Variants in FAM13B observed in about 807,000 individuals in gnomAD.
FAM13B encodes the protein family with sequence similarity 13 member B.
FAM13B carries 60 observed loss-of-function variants against 117.3 expected under a neutral mutation model. That is an observed-to-expected ratio of 0.51 (90% CI 0.42 to 0.63). The LOEUF is 0.63. Ranked by LOEUF, FAM13B falls within the 30% of genes least tolerant of loss-of-function variation. FAM13B has a pLI of 0.00. For missense variants in FAM13B, 972 were observed against 1,091.9 expected (o/e 0.89, Z 1.55); for synonymous variants, 332 against 356.1 (o/e 0.93, Z 0.76).
Position 137,938,474 on chromosome 5 carries a change from C to T in FAM13B, c.*1751G>A, listed in dbSNP as rs1760765406. ...TGAAGGAAATTATCTGAAATGTACA[C>T]TGCATGATGGATTCAAATAAAAATG... On this transcript the variant is annotated 3_prime_UTR_variant, in exon 24 of 24. Coordinates refer to ENST00000689681, the MANE Select transcript of FAM13B (RefSeq NM_001385994.1). 6.6e-6 allele frequency: 1 copy of T among 152,586 alleles called. No homozygotes were observed. The highest frequency in any genetic ancestry group is 6.5e-5 in the Admixed American group (1 of 15,270). 9.5% of individuals were successfully genotyped at this position (152,586 alleles called of 1,614,324 possible). A position where few individuals can be genotyped will look rare whatever the true frequency, so the allele number is the denominator to read the frequency against.
At position 138,032,769 on chromosome 5, in the gene FAM13B, C is replaced by G. The variant is rs1790503582; in HGVS notation, c.-203+13G>C. On this transcript the variant is annotated intron_variant, in intron 1 of 23. Transcript: ENST00000689681. ...GCGCATGCGCAGATCCGGGTACCCG[C>G]CCGTTTACCTACCGTTGGAACCGCG... The G allele has an allele frequency of 3.0e-6, 3 of 985,626 alleles. No individual in the cohort carries two copies. Among genetic ancestry groups the G allele is most frequent in the Admixed American group, 1.2e-4 (2 of 16,270 alleles). The allele number at this position is 985,626 out of a possible 1,614,324, so 61.1% of individuals were successfully genotyped here.
chr5:137,966,480 TATATATATAGAGAGAGAG>T lies in FAM13B; in HGVS notation c.1180-4029_1180-4012del, dbSNP rs1406039598. Among the ~76,000 whole-genome samples the T allele has an allele frequency of 9.2e-3, 545 of 59,064 alleles. 6 individuals carry two copies. Among genetic ancestry groups the T allele is most frequent in the African/African-American group, 0.032 (511 of 16,004 alleles). The allele number at this position is 59,064 out of a possible 152,430, so 38.7% of individuals were successfully genotyped here. Reference sequence around the variant, plus strand: ...GATTTTATATATATATATATATATATATATATATAGAGAGAGAGAGAGAGAGAGAGAGAGAGAGAGAGA... The same window carrying T: ...GATTTTATATATATATATATATATATAGAGAGAGAGAGAGAGAGAGAGAGA... On this transcript the variant is annotated intron_variant, in intron 10 of 23. Transcript: ENST00000689681.
intron 1 of FAM13B, among the ~76,000 whole-genome samples, chr5:138,042,239 G>A (rs189725080): frequency 1.1e-4 from 17 of 152,198 alleles, no homozygotes; most frequent in African/African-American, 4.1e-4. Flanking sequence ...AATGAAAGAA[G>A]CCAGACACAA....
intron 6 of FAM13B, among the ~76,000 whole-genome samples, chr5:138,008,583 C>T (rs1783132192): frequency 6.6e-6 from 1 of 152,188 alleles, no homozygotes; most frequent in Admixed American, 6.5e-5. Context: ...AATGGAGATG[C>T]TATACTAACT....
At chr5:137,942,612 C>T (rs549469669) in intron 22 of FAM13B, 7 of 384,316 alleles carry the variant, frequency 1.8e-5, no homozygotes, top group African/African-American at 1.3e-4. Context: ...ATCCTCCTGC[C>T]TCAGCTTCAA....
chr5:138,010,602 T>C (rs1353686416), intron 6 of FAM13B, among the ~76,000 whole-genome samples: 3 of 152,188 alleles, frequency 2.0e-5, no homozygotes, highest in Non-Finnish European at 4.4e-5. Context: ...ATTTGCTCTA[T>C]TATTGAAGAA....
At chr5:137,973,424 G>A (rs1335415676) in intron 10 of FAM13B, among the ~76,000 whole-genome samples, 1 of 151,920 alleles carries the variant, frequency 6.6e-6, no homozygotes, top group African/African-American at 2.4e-5. Context: ...AGCTGAAACT[G>A]GATCCCTTCC....
At chr5:138,041,761 A>G in intron 1 of FAM13B, among the ~76,000 whole-genome samples, 1 of 151,166 alleles carries the variant, frequency 6.6e-6, no homozygotes, top group Non-Finnish European at 1.5e-5. Flanking sequence ...ACATAGCAAG[A>G]CCCCATCTCA....
At chr5:138,035,753 T>C (rs1255925554), upstream of FAM13B, among the ~76,000 whole-genome samples, 1 of 152,194 alleles carries the variant, frequency 6.6e-6, no homozygotes, top group Admixed American at 6.5e-5. Context: ...GTCTTTCTCC[T>C]CCCGGCTTAA....
chr5:137,959,230 A>T (rs12518393), intron 13 of FAM13B, among the ~76,000 whole-genome samples: 22 of 152,174 alleles, frequency 1.4e-4, no homozygotes, highest in African/African-American at 3.6e-4. Flanking sequence ...GATGATACTA[A>T]GGACAAGGTA....
chr5:138,036,527 AG>A (rs1438394959), upstream of FAM13B: 4 of 456,644 alleles, frequency 8.8e-6, no homozygotes, highest in African/African-American at 4.0e-5. Context: ...GATCCATTGA[AG>A]GCCCACTCCC....
Position 138,018,479 on chromosome 5 carries a change from C to T in FAM13B, c.193G>A (p.Gly65Arg). ...LEQQGLFQVNGNAETVEWLRQ... is the reference protein window; with the variant it reads ...LEQQGLFQVNRNAETVEWLRQ... ...AGCCACTCCACTGTCTCAGCATTTCCATTGACTTGAAAAAGTCCTTGTTGC... is the reference window on the plus strand; with the variant it reads ...AGCCACTCCACTGTCTCAGCATTTCTATTGACTTGAAAAAGTCCTTGTTGC... Residue 65 changes from glycine to arginine, a missense_variant, in exon 4 of 24, where the codon GGA (glycine) becomes AGA (arginine). By Grantham distance (125) the Gly-to-Arg change is moderately radical (BLOSUM62 -2). Coordinates refer to ENST00000689681, the MANE Select transcript of FAM13B (RefSeq NM_001385994.1). The T allele has an allele frequency of 6.2e-7, 1 of 1,614,100 alleles. No individual in the cohort carries two copies. The highest frequency in any genetic ancestry group is 8.5e-7 in the Non-Finnish European group (1 of 1,180,020).
chr5:137,974,958 A>T (rs1291793578), intron 10 of FAM13B, among the ~76,000 whole-genome samples: 2 of 152,228 alleles, frequency 1.3e-5, no homozygotes, highest in Non-Finnish European at 2.9e-5. Flanking sequence ...TTTAGTGTCC[A>T]TAAATTAAAT....
rs983977824 is a variant in FAM13B at position 138,032,786 on chromosome 5, G to A, written c.-207C>T. ...GGTACCCGCCCGTTTACCTACCGTT[G>A]GAACCGCGATGCCCCGTTCCCTGGC... On this transcript the variant is annotated 5_prime_UTR_variant, in exon 1 of 24. Coordinates refer to ENST00000689681, the MANE Select transcript of FAM13B (RefSeq NM_001385994.1). 58 of 985,642 alleles carry A rather than the reference G, an allele frequency of 5.9e-5. No individual in the cohort carries two copies. The highest frequency in any genetic ancestry group is 1.1e-4 in the East Asian group (1 of 8,818). The allele number at this position is 985,642 out of a possible 1,614,324, so 61.1% of individuals were successfully genotyped here. A position where few individuals can be genotyped will look rare whatever the true frequency, so the allele number is the denominator to read the frequency against.
chr5:137,985,697 ATAAT>A (rs1777030883), intron 9 of FAM13B, among the ~76,000 whole-genome samples: 1 of 105,370 alleles, frequency 9.5e-6, no homozygotes. Context: ...CTCTCACATA[ATAAT>A]GACACATCTG....
intron 10 of FAM13B, among the ~76,000 whole-genome samples, chr5:137,975,048 G>T (rs760044219): frequency 6.6e-6 from 1 of 152,160 alleles, no homozygotes; most frequent in Non-Finnish European, 1.5e-5. Flanking sequence ...TTAAGTAGTT[G>T]TGGCAGAGAC....
chr5:137,986,029 C>T (rs76230243), intron 9 of FAM13B, among the ~76,000 whole-genome samples: 2,029 of 152,108 alleles, frequency 0.013, 33 homozygotes, highest in African/African-American at 0.045. Flanking sequence ...TGATTTTTTC[C>T]TTCACATTCT....
At chr5:137,975,995 T>TTTTTTTA (rs1773849176) in intron 10 of FAM13B, among the ~76,000 whole-genome samples, 5 of 149,682 alleles carry the variant, frequency 3.3e-5, no homozygotes, top group African/African-American at 4.9e-5. Flanking sequence ...TTTTTTTTTT[T>TTTTTTTA]GAGACAGTCT....
At chr5:138,024,213 T>C (rs886701838) in intron 1 of FAM13B, among the ~76,000 whole-genome samples, 2 of 151,678 alleles carry the variant, frequency 1.3e-5, no homozygotes, top group African/African-American at 4.9e-5. Context: ...CAGGTGTAAT[T>C]AGTTAAGGAT....
Sources: allele counts gnomAD v4.1 joint callset (sites outside exome capture counted in the v4.1 genomes callset), GRCh38; gene constraint gnomAD v4.1.1; transcripts MANE v1.5; gene names NCBI Gene and HGNC (gene_info 2026-07-23, HGNC 2026-07-21).